The following LRRFIP1 variants were observed in gnomAD, a reference collection of about 807,000 sequenced individuals.
LRRFIP1 encodes LRR binding FLII interacting protein 1, also known as leucine-rich repeat flightless-interacting protein 1.
Under a neutral mutation model 104.4 loss-of-function variants are expected in LRRFIP1, and 62 were observed. The observed-to-expected ratio is 0.59, with a 90% confidence interval of 0.48 to 0.73. The LOEUF (loss-of-function observed/expected upper bound fraction) is 0.73, where lower values mean the gene tolerates loss of function less well. LRRFIP1 is among the 30% of genes least tolerant of loss of function. LRRFIP1 has a pLI of 0.00. For missense variants in LRRFIP1, 796 were observed against 824.5 expected (o/e 0.97, Z 0.42); for synonymous variants, 300 against 299.0 (o/e 1.00, Z -0.03).
intron 23 of LRRFIP1, among the ~76,000 whole-genome samples, chr2:237,775,776 T>C (rs925295938): frequency 1.3e-5 from 2 of 152,080 alleles, no homozygotes; most frequent in Non-Finnish European, 2.9e-5. Flanking sequence ...AGGTGAAAGC[T>C]GCTTTGACAC....
intron 1 of LRRFIP1, among the ~76,000 whole-genome samples, chr2:237,659,172 C>T (rs2087387617): frequency 1.3e-5 from 2 of 152,150 alleles, no homozygotes; most frequent in Non-Finnish European, 2.9e-5. Context: ...CAGCTTACTG[C>T]AGCCTCAGAT....
At chr2:237,684,089 T>C (rs1178189174) in intron 1 of LRRFIP1, 1 of 152,106 alleles carries the variant, frequency 6.6e-6, no homozygotes, top group African/African-American at 2.4e-5. Context: ...GTTAAACTCA[T>C]AGGCAGGATT....
intron 11 of LRRFIP1, among the ~76,000 whole-genome samples, chr2:237,747,315 G>T (rs2058005985): frequency 6.6e-6 from 1 of 152,206 alleles, no homozygotes; most frequent in African/African-American, 2.4e-5. Context: ...CAAGGAGTTT[G>T]CAGGAGGGAA....
At chr2:237,679,044 A>G (rs760149583) in intron 1 of LRRFIP1, among the ~76,000 whole-genome samples, 1 of 152,144 alleles carries the variant, frequency 6.6e-6, no homozygotes, top group Non-Finnish European at 1.5e-5. Flanking sequence ...GCGCGCCTAG[A>G]ATCTGTGCTC....
chr2:237,634,474 C>T (rs1017261522), intron 1 of LRRFIP1, among the ~76,000 whole-genome samples: 5 of 152,164 alleles, frequency 3.3e-5, no homozygotes, highest in African/African-American at 1.2e-4. Flanking sequence ...GTCCCTTATA[C>T]CATGACTTAG....
Position 237,738,774 on chromosome 2 carries a change from T to C in LRRFIP1, c.556-458T>C, listed in dbSNP as rs1576062215. 3.3e-5 allele frequency among the ~76,000 whole-genome samples: 5 copies of C among 152,384 alleles called. No homozygotes were observed. The South Asian group carries it at 1.0e-3, about 32-fold the overall frequency. On this transcript the variant is annotated intron_variant, in intron 10 of 23. Transcript: ENST00000308482. ...GCCATACATAATTTTGTATTAACCCTAACTCTCATTTTGCTTCCACTTGGA... is the reference window on the plus strand; with the variant it reads ...GCCATACATAATTTTGTATTAACCCCAACTCTCATTTTGCTTCCACTTGGA...
At chr2:237,752,273 G>A (rs548033800) in intron 14 of LRRFIP1, among the ~76,000 whole-genome samples, 3 of 152,304 alleles carry the variant, frequency 2.0e-5, no homozygotes, top group Admixed American at 2.0e-4. Flanking sequence ...AGGTGTGGTG[G>A]TGCGCACCTG....
intron 1 of LRRFIP1, among the ~76,000 whole-genome samples, chr2:237,653,409 A>G (rs750386489): frequency 3.3e-5 from 5 of 152,242 alleles, no homozygotes; most frequent in Non-Finnish European, 7.3e-5. Context: ...TGGAAGAATT[A>G]ATATTGTTAA....
intron 1 of LRRFIP1, among the ~76,000 whole-genome samples, chr2:237,694,049 G>A (rs1340869879): frequency 1.3e-5 from 2 of 152,158 alleles, no homozygotes; most frequent in Non-Finnish European, 2.9e-5. Flanking sequence ...AAGACCGGAA[G>A]GTTTGTGTTT....
intron 1 of LRRFIP1, among the ~76,000 whole-genome samples, chr2:237,692,771 T>G (rs1379442071): frequency 6.6e-6 from 1 of 152,214 alleles, no homozygotes; most frequent in Non-Finnish European, 1.5e-5. Context: ...AAAAGGCACA[T>G]GGTCTCTCCC....
intron 1 of LRRFIP1, among the ~76,000 whole-genome samples, chr2:237,690,051 C>G (rs1384740297): frequency 1.3e-5 from 2 of 152,158 alleles, no homozygotes; most frequent in African/African-American, 4.8e-5. Flanking sequence ...ATTCCAGAGC[C>G]CACTTCTTAA....
intron 11 of LRRFIP1, among the ~76,000 whole-genome samples, chr2:237,743,737 T>C (rs1017600557): frequency 8.5e-5 from 13 of 152,232 alleles, no homozygotes; most frequent in African/African-American, 3.1e-4. Flanking sequence ...TGATCACACG[T>C]TGTGAAGCCC....
At position 237,661,561 on chromosome 2, in the gene LRRFIP1, T is replaced by C. The variant is rs1244448827; in HGVS notation, c.96+33821T>C. 1.3e-5 allele frequency among the ~76,000 whole-genome samples: 2 copies of C among 152,222 alleles called. No individual in the cohort carries two copies. The highest frequency in any genetic ancestry group is 2.9e-5 in the Non-Finnish European group (2 of 68,038). On this transcript the variant is annotated intron_variant, in intron 1 of 23. Coordinates refer to ENST00000308482, the MANE Select transcript of LRRFIP1 (RefSeq NM_001137550.2). The surrounding 1 kb of genome is among the most constrained non-coding windows in gnomAD (Gnocchi z 4.4). ...CCTTCTGTTCCTGCCCAGGGCAAAC[T>C]GCCCTATGTGCATCTCTGTCCTCAT...
At chr2:237,708,490 A>G (rs1042454587) in intron 1 of LRRFIP1, 54 bp from the exon 2 acceptor site, 6 of 1,352,824 alleles carry the variant, frequency 4.4e-6, no homozygotes, top group Non-Finnish European at 6.1e-6. Context: ...CTGACCCTGT[A>G]CTGGGAAGGT....
chr2:237,735,125 G>A lies in LRRFIP1; in HGVS notation c.490-143G>A. Reference sequence around the variant, plus strand: ...CTGCAACCCTTTGAAGAGCTGGAAAGGTGGTTCTCAGCCTCCCCTGCATGC... The same window carrying A: ...CTGCAACCCTTTGAAGAGCTGGAAAAGTGGTTCTCAGCCTCCCCTGCATGC... On this transcript the variant is annotated intron_variant, in intron 9 of 23. Transcript: ENST00000308482. The surrounding 1 kb of genome is among the most constrained non-coding windows in gnomAD (Gnocchi z 4.6). The A allele has an allele frequency of 1.6e-6, 1 of 624,002 alleles. No individual in the cohort carries two copies. Among genetic ancestry groups the A allele is most frequent in the Non-Finnish European group, 2.8e-6 (1 of 356,894 alleles). 38.7% of individuals were successfully genotyped at this position (624,002 alleles called of 1,614,324 possible). A position where few individuals can be genotyped will look rare whatever the true frequency, so the allele number is the denominator to read the frequency against.
In LRRFIP1 at chr2:237,711,208, G is replaced by T. The variant is rs142926290; in HGVS notation, c.183+2578G>T. The stretch of plus-strand genomic sequence containing the variant: ...TGCTTCTGATGAGCACAGGCCTTGC[G>T]GAGAACATCTGATGAAATCGGGAAG... On this transcript the variant is annotated intron_variant, in intron 2 of 23. Coordinates refer to ENST00000308482, the MANE Select transcript of LRRFIP1 (RefSeq NM_001137550.2). This position sits in a 1 kb window ranked among gnomAD's most constrained non-coding sequence, Gnocchi z 4.4. Among the ~76,000 whole-genome samples, 1 of 152,214 alleles carries T rather than the reference G, an allele frequency of 6.6e-6. No homozygotes were observed. Among genetic ancestry groups the T allele is most frequent in the Non-Finnish European group, 1.5e-5 (1 of 68,046 alleles).
In LRRFIP1 at chr2:237,693,632, G is replaced by A. The variant is rs537132742; in HGVS notation, c.97-14912G>A. Among the ~76,000 whole-genome samples the A allele has an allele frequency of 2.6e-5, 4 of 152,296 alleles. No individual in the cohort carries two copies. The South Asian group carries it at 6.2e-4, about 24-fold the overall frequency. The stretch of plus-strand genomic sequence containing the variant: ...GACCCTTGAATCACCATCAGGGAAG[G>A]GTTCTTGAAAGAAGGAAGGGTGGGA... On this transcript the variant is annotated intron_variant, in intron 1 of 23. Transcript: ENST00000308482.
In LRRFIP1 at chr2:237,708,843, T is replaced by C. The variant is rs2093944201; in HGVS notation, c.183+213T>C. ...GTGCCTGCTCAGACCTGCTGGCTCC[T>C]GAGAGGGGCTTAGAAGCCTCTTGCC... On this transcript the variant is annotated intron_variant, in intron 2 of 23. Coordinates refer to ENST00000308482, the MANE Select transcript of LRRFIP1 (RefSeq NM_001137550.2). 4.4e-6 allele frequency: 3 copies of C among 687,476 alleles called. No individual in the cohort carries two copies. In the Admixed American group the frequency reaches 6.1e-5, roughly 14 times the overall value. 42.6% of individuals were successfully genotyped at this position (687,476 alleles called of 1,614,324 possible).
At chr2:237,748,288 C>A in intron 11 of LRRFIP1, 76 bp from the exon 12 acceptor site, 2 of 1,054,742 alleles carry the variant, frequency 1.9e-6, no homozygotes, top group Non-Finnish European at 2.9e-6. Flanking sequence ...TTTTGTTTAT[C>A]ATTCATAGCC....
Sources: gnomAD v4.1 joint callset for allele counts (sites outside exome capture counted in the v4.1 genomes callset) on GRCh38, gnomAD v4.1.1 for gene constraint, Gnocchi (gnomAD v3.1) non-coding constraint, MANE v1.5 for transcripts, NCBI Gene and HGNC (gene_info 2026-07-23, HGNC 2026-07-21) for gene names.